The following B3GLCT variants were observed in gnomAD, a reference collection of about 807,000 sequenced individuals.
B3GLCT encodes the protein beta 3-glucosyltransferase.
In B3GLCT, 65 loss-of-function variants were observed where a neutral mutation model predicts 63.4. The ratio of observed to expected loss-of-function variants is 1.03; its 90% CI spans 0.84 to 1.26. The LOEUF (loss-of-function observed/expected upper bound fraction) is 1.26, where lower values mean the gene tolerates loss of function less well. Among genes scored for constraint, B3GLCT ranks in the 50% most tolerant of loss-of-function variants. The pLI is 0.00. For synonymous variants in B3GLCT, 233 were observed against 219.2 expected (o/e 1.06, Z -0.55); for missense variants, 577 against 604.8 (o/e 0.95, Z 0.48).
chr13:31,211,589 G>GTT (rs1243817859), intron 1 of B3GLCT, among the ~76,000 whole-genome samples: 72 of 142,918 alleles, frequency 5.0e-4, no homozygotes, highest in African/African-American at 1.8e-3. Flanking sequence ...TTTGGTTTGG[G>GTT]TTTTTTTTTT....
At chr13:31,253,363 G>A (rs1418117198) in intron 6 of B3GLCT, among the ~76,000 whole-genome samples, 2 of 151,984 alleles carry the variant, frequency 1.3e-5, no homozygotes, top group African/African-American at 4.8e-5. Context: ...AGGCCAAGGT[G>A]GGTGGATCAC....
chr13:31,226,263 C>T (rs1870098005), intron 3 of B3GLCT, among the ~76,000 whole-genome samples: 1 of 152,250 alleles, frequency 6.6e-6, no homozygotes, highest in African/African-American at 2.4e-5. Context: ...AGGGCTGCGA[C>T]TGGGCTCACT....
intron 1 of B3GLCT, among the ~76,000 whole-genome samples, chr13:31,208,779 G>A (rs1349880080): frequency 6.6e-6 from 1 of 151,980 alleles, no homozygotes; most frequent in Non-Finnish European, 1.5e-5. Context: ...ATCTCAACAG[G>A]GCATTCCCTC....
chr13:31,212,267 CTTT>C (rs59719685), intron 1 of B3GLCT, among the ~76,000 whole-genome samples: 2 of 91,640 alleles, frequency 2.2e-5, no homozygotes, highest in Non-Finnish European at 2.0e-5. Context: ...GCATAACTGG[CTTT>C]TTTTTTTTTT....
chr13:31,224,033 C>G (rs1040430406), intron 3 of B3GLCT, among the ~76,000 whole-genome samples: 7 of 152,278 alleles, frequency 4.6e-5, no homozygotes, highest in South Asian at 4.1e-4. Flanking sequence ...TCTAGGCCTT[C>G]CCTTCCTGGG....
At chr13:31,240,034 G>A (rs973259507) in intron 4 of B3GLCT, among the ~76,000 whole-genome samples, 9 of 152,158 alleles carry the variant, frequency 5.9e-5, no homozygotes, top group Non-Finnish European at 1.3e-4. Context: ...TTGGGGAGAG[G>A]GGTAGGACAG....
chr13:31,259,004 G>T (rs191190813), intron 6 of B3GLCT, among the ~76,000 whole-genome samples: 1 of 151,318 alleles, frequency 6.6e-6, no homozygotes. Flanking sequence ...ATTTTTTACC[G>T]GACTTGCTTT....
In B3GLCT at chr13:31,323,740, G is replaced by A. The variant is rs763444466; in HGVS notation, c.1185-11G>A. 6.2e-6 allele frequency: 10 copies of A among 1,613,812 alleles called. No homozygotes were observed. Among genetic ancestry groups the A allele is most frequent in the Non-Finnish European group, 6.8e-6 (8 of 1,179,982 alleles). On this transcript the variant is annotated splice_polypyrimidine_tract_variant and intron_variant, in intron 13 of 14. Transcript: ENST00000343307. ...TTCTCTAACCCCTTTCTCTGCTCTG[G>A]CTCCCACTAGAATGGTCTTCAGCAG...
chr13:31,270,838 G>A (rs1292640370), intron 8 of B3GLCT, among the ~76,000 whole-genome samples: 1 of 152,140 alleles, frequency 6.6e-6, no homozygotes. Context: ...CAGCTAATCT[G>A]GATTCTTGTC....
intron 1 of B3GLCT, among the ~76,000 whole-genome samples, chr13:31,205,820 A>C (rs1466879609): frequency 6.6e-6 from 1 of 152,256 alleles, no homozygotes; most frequent in Admixed American, 6.5e-5. Flanking sequence ...TTATCTACAT[A>C]TATCTGCATG....
chr13:31,205,854 A>G (rs945126305), intron 1 of B3GLCT, among the ~76,000 whole-genome samples: 4 of 152,238 alleles, frequency 2.6e-5, no homozygotes, highest in Non-Finnish European at 5.9e-5. Flanking sequence ...GGTTTAGACA[A>G]AACAAAAATA....
At chr13:31,245,573 A>C (rs1871161359) in intron 4 of B3GLCT, among the ~76,000 whole-genome samples, 1 of 152,118 alleles carries the variant, frequency 6.6e-6, no homozygotes, top group Non-Finnish European at 1.5e-5. Flanking sequence ...GTTGTTATAA[A>C]GTTTTCATCA....
In B3GLCT at chr13:31,323,749, A is replaced by G. The variant is rs1260666750; in HGVS notation, c.1185-2A>G. On this transcript the variant is annotated splice_acceptor_variant, in intron 13 of 14. Coordinates refer to ENST00000343307, the MANE Select transcript of B3GLCT (RefSeq NM_194318.4). LOFTEE classifies it high-confidence loss of function. The stretch of plus-strand genomic sequence containing the variant: ...CCCTTTCTCTGCTCTGGCTCCCACT[A>G]GAATGGTCTTCAGCAGAGAAGCCGT... 2 of 1,614,056 alleles carry G rather than the reference A, an allele frequency of 1.2e-6. No individual in the cohort carries two copies. Among genetic ancestry groups the G allele is most frequent in the Admixed American group, 1.7e-5 (1 of 60,020 alleles).
chr13:31,241,837 A>G (rs1490900642), intron 4 of B3GLCT, among the ~76,000 whole-genome samples: 3 of 152,178 alleles, frequency 2.0e-5, no homozygotes, highest in Admixed American at 2.0e-4. Context: ...AGCTACTCTC[A>G]GCTAAGATGA....
intron 4 of B3GLCT, 72 bp from the exon 5 acceptor site, chr13:31,246,951 C>CTTTTTTTTTTTTTTTTCT: frequency 6.4e-6 from 5 of 778,768 alleles, no homozygotes; most frequent in Admixed American, 3.0e-5. Flanking sequence ...CTTTTCTTTT[C>CTTTTTTTTTTTTTTTTCT]TTTTTTTTTT....
chr13:31,232,604 G>A (rs543186457), intron 4 of B3GLCT, among the ~76,000 whole-genome samples: 18 of 152,260 alleles, frequency 1.2e-4, no homozygotes, highest in African/African-American at 4.1e-4. Context: ...ATTTGGGTGG[G>A]GACACAGATT....
intron 14 of B3GLCT, 90 bp downstream of exon 14, chr13:31,323,985 C>T (rs1308622543): frequency 8.7e-6 from 13 of 1,490,534 alleles, no homozygotes; most frequent in Admixed American, 3.3e-5. Context: ...TTCACATATT[C>T]GGGAAACAGA....
Position 31,316,407 on chromosome 13 carries a change from T to TTATATATACATATATATATATA in B3GLCT, c.1065-1151_1065-1150insCATATATATATATATATATATA, listed in dbSNP as rs1555255280. On this transcript the variant is annotated intron_variant, in intron 12 of 14. Transcript: ENST00000343307. ...TGGAATCAAGGAGATTTTGGAGGTT[T>TTATATATACATATATATATATA]TATATATATATATATATATATATAA... Among the ~76,000 whole-genome samples the TTATATATACATATATATATATA allele has an allele frequency of 2.9e-4, 12 of 40,870 alleles. 1 individual carries two copies. Among genetic ancestry groups the TTATATATACATATATATATATA allele is most frequent in the African/African-American group, 7.2e-4 (11 of 15,298 alleles). 26.8% of individuals were successfully genotyped at this position (40,870 alleles called of 152,430 possible). A position where few individuals can be genotyped will look rare whatever the true frequency, so the allele number is the denominator to read the frequency against.
chr13:31,234,660 G>C (rs556033399), intron 4 of B3GLCT, among the ~76,000 whole-genome samples: 6 of 152,224 alleles, frequency 3.9e-5, no homozygotes, highest in African/African-American at 1.4e-4. Context: ...AGTCAGGATG[G>C]ATCATGGTCA....
Sources: gnomAD v4.1 joint callset for allele counts (sites outside exome capture counted in the v4.1 genomes callset) on GRCh38, gnomAD v4.1.1 for gene constraint, MANE v1.5 for transcripts, NCBI Gene and HGNC (gene_info 2026-07-23, HGNC 2026-07-21) for gene names.